Variants in FAN1 observed in about 807,000 individuals in gnomAD.
FAN1 encodes the protein fanconi-associated nuclease 1.
In FAN1, 91 loss-of-function variants were observed where a neutral mutation model predicts 104.9. That is an observed-to-expected ratio of 0.87 (90% CI 0.73 to 1.03). FAN1 has a LOEUF of 1.03. Ranked by LOEUF, FAN1 falls within the 50% of genes least tolerant of loss-of-function variation. FAN1 has a pLI of 0.00. For synonymous variants in FAN1, 478 were observed against 457.6 expected (o/e 1.04, Z -0.57); for missense variants, 1,263 against 1,239.9 (o/e 1.02, Z -0.28).
At chr15:30,933,310 T>G (rs995777692) in intron 13 of FAN1, among the ~76,000 whole-genome samples, 1 of 152,212 alleles carries the variant, frequency 6.6e-6, no homozygotes, top group African/African-American at 2.4e-5. Context: ...CCTCACAAAT[T>G]TAGTAGTTGT....
chr15:30,919,361 C>G (rs1271812191), intron 6 of FAN1, among the ~76,000 whole-genome samples: 1 of 115,254 alleles, frequency 8.7e-6, no homozygotes, highest in Non-Finnish European at 1.7e-5. Context: ...GCCTGGGCCA[C>G]GAGCAAAACT....
At chr15:30,932,494 A>G (rs2062738739) in intron 13 of FAN1, among the ~76,000 whole-genome samples, 1 of 152,130 alleles carries the variant, frequency 6.6e-6, no homozygotes, top group Non-Finnish European at 1.5e-5. Flanking sequence ...AATTAGTATT[A>G]TTCCCTAAAC....
Position 30,913,978 on chromosome 15 carries a change from AGGT to A in FAN1, c.1699_1701del (p.Gly567del), listed in dbSNP as rs761037288. On this transcript the variant is annotated inframe_deletion, in exon 5 of 15. Transcript: ENST00000362065. The stretch of plus-strand genomic sequence containing the variant: ...TGGAAGATGAAGACGCCGCTTGTGG[AGGT>A]CAGGGACAGCTTTCAACAGTCCTGT... The A allele has an allele frequency of 6.2e-7, 1 of 1,614,162 alleles. No individual in the cohort carries two copies. The highest frequency in any genetic ancestry group is 8.5e-7 in the Non-Finnish European group (1 of 1,180,002).
Position 30,942,670 on chromosome 15 carries a change from T to C in FAN1, c.*1108T>C. On this transcript the variant is annotated 3_prime_UTR_variant, in exon 15 of 15. Coordinates refer to ENST00000362065, the MANE Select transcript of FAN1 (RefSeq NM_014967.5). ...TAAATCAGGCTTGCAGGCTCAAAGCTGCAATCTGCCCACTCTCAGGTACTG... is the reference window on the plus strand; with the variant it reads ...TAAATCAGGCTTGCAGGCTCAAAGCCGCAATCTGCCCACTCTCAGGTACTG... The C allele has an allele frequency of 2.0e-6, 1 of 503,044 alleles. No homozygotes were observed. Among genetic ancestry groups the C allele is most frequent in the Non-Finnish European group, 3.4e-6 (1 of 290,146 alleles). 31.2% of individuals were successfully genotyped at this position (503,044 alleles called of 1,614,324 possible).
At position 30,918,261 on chromosome 15, in the gene FAN1, G is replaced by C; in HGVS notation, c.1909G>C (p.Asp637His). The change falls in exon 6 of 15, where the codon GAT becomes CAT. Residue 637 changes from aspartate (D) to histidine (H), a missense_variant. By Grantham distance (81) the Asp-to-His change is moderately conservative. This residue lies in a region of FAN1 where 581 missense variants were observed against 668.8 expected (regional missense o/e 0.87). Coordinates refer to ENST00000362065, the MANE Select transcript of FAN1 (RefSeq NM_014967.5). ...AKELAQCAKRDWNRLKNHPSL... is the reference protein window; with the variant it reads ...AKELAQCAKRHWNRLKNHPSL... ...GGAGCTCGCTCAGTGTGCAAAAAGG[G>C]ATTGGAACAGACTGAAAAACCACCC... 3.1e-6 allele frequency: 5 copies of C among 1,614,126 alleles called. No individual in the cohort carries two copies. Among genetic ancestry groups the C allele is most frequent in the Non-Finnish European group, 4.2e-6 (5 of 1,180,012 alleles).
In FAN1 at chr15:30,942,160, GA is replaced by G; in HGVS notation, c.*603del. The stretch of plus-strand genomic sequence containing the variant: ...ATGGCAAATATAAACTCAATACTAT[GA>G]AAAATTAATGGAATTTCAGCCTCAA... On this transcript the variant is annotated 3_prime_UTR_variant, in exon 15 of 15. Coordinates refer to ENST00000362065, the MANE Select transcript of FAN1 (RefSeq NM_014967.5). 1.4e-6 allele frequency: 2 copies of G among 1,416,748 alleles called. No individual in the cohort carries two copies. The highest frequency in any genetic ancestry group is 1.9e-6 in the Non-Finnish European group (2 of 1,050,040). 87.8% of individuals were successfully genotyped at this position (1,416,748 alleles called of 1,614,324 possible). A position where few individuals can be genotyped will look rare whatever the true frequency, so the allele number is the denominator to read the frequency against.
At chr15:30,922,698 G>A (rs2062363774) in intron 8 of FAN1, among the ~76,000 whole-genome samples, 1 of 152,236 alleles carries the variant, frequency 6.6e-6, no homozygotes, top group Non-Finnish European at 1.5e-5. Context: ...CAAGGAAGGT[G>A]TTTGTTTTGG....
At chr15:30,935,320 A>G (rs576439999) in intron 13 of FAN1, among the ~76,000 whole-genome samples, 19 of 150,690 alleles carry the variant, frequency 1.3e-4, no homozygotes, top group Non-Finnish European at 2.5e-4. Flanking sequence ...AAAAAAAGAA[A>G]AAAAGAAAAA....
intron 5 of FAN1, among the ~76,000 whole-genome samples, chr15:30,916,800 A>C (rs1566917731): frequency 6.6e-6 from 1 of 152,138 alleles, no homozygotes; most frequent in Non-Finnish European, 1.5e-5. Context: ...TCCTGGGGAG[A>C]TAGAAATTAA....
intron 1 of FAN1, 29 bp from the exon 2 acceptor site, chr15:30,904,483 T>G: frequency 2.7e-6 from 2 of 737,054 alleles, no homozygotes; most frequent in Non-Finnish European, 4.8e-6. Flanking sequence ...ATAAAAATGT[T>G]TTTAATTTAT....
intron 10 of FAN1, chr15:30,927,247 C>A: frequency 1.0e-6 from 1 of 985,502 alleles, no homozygotes; most frequent in East Asian, 1.1e-4. Context: ...ATGATCTGGC[C>A]TTTATATTCC....
rs1478964028 is a variant in FAN1, at chr15:30,905,761, T to C, written c.1098T>C (p.Pro366=). 1.9e-6 allele frequency: 3 copies of C among 1,614,226 alleles called. No homozygotes were observed. The South Asian group carries it at 3.3e-5, about 18-fold the overall frequency. The change falls in exon 2 of 15, where the codon CCT becomes CCC. Residue 366 remains proline (P), a synonymous_variant. Transcript: ENST00000362065. ...AGCAGGGGTCAAGCTGCAATGGTCC[T>C]GGTCAAACAACCGGTCATCCTTACT... ...PLEQGSSCNG[P]GQTTGHPYYL... is the part of the protein sequence containing the mutation.
Position 30,942,100 on chromosome 15 carries a change from C to T in FAN1, c.*538C>T, listed in dbSNP as rs769789638. 11 of 1,578,812 alleles carry T rather than the reference C, an allele frequency of 7.0e-6. No individual in the cohort carries two copies. Among genetic ancestry groups the T allele is most frequent in the Middle Eastern group, 1.7e-4 (1 of 5,924 alleles). ...ATACAGAAGAGATTTTATTATGTTC[C>T]GGGGATTCCCTTTTTAGAAAGATTG... On this transcript the variant is annotated 3_prime_UTR_variant, in exon 15 of 15. Coordinates refer to ENST00000362065, the MANE Select transcript of FAN1 (RefSeq NM_014967.5).
chr15:30,928,986 A>C (rs1325018864), intron 11 of FAN1, among the ~76,000 whole-genome samples: 1 of 152,232 alleles, frequency 6.6e-6, no homozygotes, highest in East Asian at 1.9e-4. Flanking sequence ...GCCTGTTCAG[A>C]GGTCCACCCA....
Position 30,905,799 on chromosome 15 carries a change from TC to T in FAN1, c.1138del (p.Val381TrpfsTer3). 1 of 1,614,240 alleles carries T rather than the reference TC, an allele frequency of 6.2e-7. No individual in the cohort carries two copies. The highest frequency in any genetic ancestry group is 8.5e-7 in the Non-Finnish European group (1 of 1,180,038). ...GGTCATCCTTACTACCTTCGGAGTT[TC>T]CTTGTGGTGCTGAAAACCGTACTTG... is the stretch of plus-strand genomic sequence containing the variant. ...TTGHPYYLRS[F>X]LVVLKTVLEN... On this transcript the variant is annotated frameshift_variant, in exon 2 of 15. Transcript: ENST00000362065. LOFTEE classifies it high-confidence loss of function.
At position 30,905,035 on chromosome 15, in the gene FAN1, G is replaced by A; in HGVS notation, c.372G>A (p.Lys124=). The stretch of plus-strand genomic sequence containing the variant: ...CAGCAAAAAGGGAAGTAAAGCAGAA[G>A]ATCAGTCCCTACTTTAAAAGTAATG... ...SDSAKREVKQ[K]ISPYFKSNDV... The change falls in exon 2 of 15, where the codon AAG becomes AAA. Residue 124 remains lysine (K), a synonymous_variant. Coordinates refer to ENST00000362065, the MANE Select transcript of FAN1 (RefSeq NM_014967.5). 2 of 1,614,076 alleles carry A rather than the reference G, an allele frequency of 1.2e-6. No individual in the cohort carries two copies. The highest frequency in any genetic ancestry group is 2.2e-5 in the South Asian group (2 of 91,084).
At chr15:30,913,042 G>C in intron 4 of FAN1, among the ~76,000 whole-genome samples, 1 of 152,168 alleles carries the variant, frequency 6.6e-6, no homozygotes, top group East Asian at 1.9e-4. Context: ...CTGTACACTA[G>C]AGAAGGGGTC....
chr15:30,906,571 A>C, intron 2 of FAN1: 1 of 453,144 alleles, frequency 2.2e-6, no homozygotes, highest in Non-Finnish European at 4.5e-6. Context: ...ACTCTGTGGA[A>C]CCATGTCCCT....
chr15:30,907,338 T>C (rs188520696), intron 2 of FAN1, among the ~76,000 whole-genome samples: 64 of 151,928 alleles, frequency 4.2e-4, no homozygotes, highest in African/African-American at 1.5e-3. Context: ...ACCAACATGG[T>C]GAAACCCCGT....
Sources: gnomAD v4.1 joint callset for allele counts (sites outside exome capture counted in the v4.1 genomes callset) on GRCh38, gnomAD v4.1.1 for gene constraint, gnomAD v4.1.1 regional missense constraint, MANE v1.5 for transcripts, NCBI Gene and HGNC (gene_info 2026-07-23, HGNC 2026-07-21) for gene names.